The following GRIK4 variants were observed in gnomAD, a reference collection of about 807,000 sequenced individuals.
The protein encoded by GRIK4 is glutamate receptor ionotropic, kainate 4.
In GRIK4, 40 loss-of-function variants were observed where a neutral mutation model predicts 104.9. The ratio of observed to expected loss-of-function variants is 0.38; its 90% CI spans 0.30 to 0.50. The LOEUF is 0.50. Ranked by LOEUF, GRIK4 falls within the 20% of genes least tolerant of loss-of-function variation. The pLI, the probability that GRIK4 is intolerant of heterozygous loss-of-function variation, is 0.93. For missense variants in GRIK4, 1,047 were observed against 1,308.1 expected (o/e 0.80, Z 3.08); for synonymous variants, 485 against 524.9 (o/e 0.92, Z 1.04).
chr11:120,943,852 TAAG>T, intron 14 of GRIK4, among the ~76,000 whole-genome samples: 1 of 152,318 alleles, frequency 6.6e-6, no homozygotes, highest in African/African-American at 2.4e-5. Context: ...TCCAAAATAA[TAAG>T]TAGTGGCAAG....
intron 8 of GRIK4, among the ~76,000 whole-genome samples, chr11:120,850,466 G>A (rs569074813): frequency 6.6e-6 from 1 of 152,316 alleles, no homozygotes; most frequent in East Asian, 1.9e-4. Flanking sequence ...GGCACCAGGA[G>A]GAGAGTGCTG....
chr11:120,545,114 C>T (rs2252634), intron 1 of GRIK4, among the ~76,000 whole-genome samples: 43,866 of 151,948 alleles, frequency 0.29, 6,548 homozygotes, highest in Admixed American at 0.42. Context: ...GCCTGGCCCG[C>T]GGGGTCACTG....
At chr11:120,596,097 C>T (rs760910545) in intron 1 of GRIK4, among the ~76,000 whole-genome samples, 5 of 152,360 alleles carry the variant, frequency 3.3e-5, no homozygotes, top group South Asian at 2.1e-4. Context: ...CCGCCCGTCT[C>T]GGCCTCCCAG....
intron 15 of GRIK4, among the ~76,000 whole-genome samples, chr11:120,955,466 G>A (rs1944121346): frequency 6.6e-6 from 1 of 152,216 alleles, no homozygotes; most frequent in Non-Finnish European, 1.5e-5. Flanking sequence ...ACAGCACCCC[G>A]CCCTCCTGGG....
intron 14 of GRIK4, among the ~76,000 whole-genome samples, chr11:120,946,128 C>T (rs1057274433): frequency 2.6e-5 from 4 of 152,194 alleles, no homozygotes; most frequent in Non-Finnish European, 5.9e-5. Flanking sequence ...GGGAAAAGAA[C>T]ATGAAAAACC....
At chr11:120,803,001 G>A (rs1952648802) in intron 4 of GRIK4, 144 bp downstream of exon 4, 2 of 742,868 alleles carry the variant, frequency 2.7e-6, no homozygotes, top group South Asian at 3.7e-5. Flanking sequence ...TGAACCAGGA[G>A]GTCCTGTGAA....
At chr11:120,699,183 G>A (rs542237739) in intron 3 of GRIK4, among the ~76,000 whole-genome samples, 3 of 152,210 alleles carry the variant, frequency 2.0e-5, no homozygotes, top group African/African-American at 7.2e-5. Flanking sequence ...GGCGAGGCCA[G>A]CACACTGCCC....
In GRIK4 at chr11:120,671,692, A is replaced by C. The variant is rs1004919417; in HGVS notation, c.82+11292A>C. ...TTCTGCAGGTTGCCTGTTCTCTCTG[A>C]TGATAGTTTTTTTGCTGTGCAGAAG... On this transcript the variant is annotated intron_variant, in intron 3 of 20. Coordinates refer to ENST00000527524, the MANE Select transcript of GRIK4 (RefSeq NM_014619.5). Among the ~76,000 whole-genome samples, 3 of 152,062 alleles carry C rather than the reference A, an allele frequency of 2.0e-5. No homozygotes were observed. The East Asian group carries it at 5.8e-4, about 29-fold the overall frequency.
chr11:120,866,058 G>GCA (rs1954399596), intron 9 of GRIK4, among the ~76,000 whole-genome samples: 1 of 152,160 alleles, frequency 6.6e-6, no homozygotes, highest in African/African-American at 2.4e-5. Context: ...TGTGAGAATG[G>GCA]CACAAAGCCA....
At chr11:120,546,844 A>G (rs11217913) in intron 1 of GRIK4, among the ~76,000 whole-genome samples, 35,289 of 152,210 alleles carry the variant, frequency 0.23, 5,119 homozygotes, top group Admixed American at 0.4. Context: ...AGAACTGGGC[A>G]TGAAATGGAA....
At chr11:120,982,859 C>T (rs1433983007) in intron 20 of GRIK4, among the ~76,000 whole-genome samples, 1 of 152,192 alleles carries the variant, frequency 6.6e-6, no homozygotes, top group South Asian at 2.1e-4. Context: ...AACAGTGCCC[C>T]TGGAAGTCCG....
At chr11:120,692,494 G>A (rs996514605) in intron 3 of GRIK4, among the ~76,000 whole-genome samples, 1 of 152,164 alleles carries the variant, frequency 6.6e-6, no homozygotes, top group Middle Eastern at 3.2e-3. Flanking sequence ...GATTTGCACT[G>A]TGGAGCCCGG....
intron 13 of GRIK4, among the ~76,000 whole-genome samples, chr11:120,922,584 G>A (rs528506883): frequency 1.3e-5 from 2 of 152,286 alleles, no homozygotes; most frequent in African/African-American, 4.8e-5. Flanking sequence ...GCCTGGCTTG[G>A]CCTCGCCAAC....
chr11:120,534,334 G>C (rs1947950341), intron 1 of GRIK4, among the ~76,000 whole-genome samples: 1 of 152,190 alleles, frequency 6.6e-6, no homozygotes, highest in South Asian at 2.1e-4. Context: ...AAGTGACTGA[G>C]GGATATCTAT....
chr11:120,720,773 A>G (rs746032570), intron 3 of GRIK4, among the ~76,000 whole-genome samples: 2 of 152,158 alleles, frequency 1.3e-5, no homozygotes, highest in East Asian at 3.8e-4. Context: ...AGGGTGCAAC[A>G]TGGCTTGGAG....
intron 3 of GRIK4, among the ~76,000 whole-genome samples, chr11:120,712,349 C>A (rs1379949856): frequency 1.3e-5 from 2 of 152,182 alleles, no homozygotes; most frequent in Admixed American, 1.3e-4. Flanking sequence ...AGAAACCAGG[C>A]CTGCTGGCCT....
At chr11:120,909,534 G>A (rs1942946263) in intron 13 of GRIK4, among the ~76,000 whole-genome samples, 1 of 152,184 alleles carries the variant, frequency 6.6e-6, no homozygotes, top group Non-Finnish European at 1.5e-5. Context: ...TGCAGCACAT[G>A]TGGAACTTGG....
At chr11:120,792,560 C>T (rs1462278623) in intron 3 of GRIK4, among the ~76,000 whole-genome samples, 2 of 151,800 alleles carry the variant, frequency 1.3e-5, no homozygotes, top group Admixed American at 1.3e-4. Context: ...GATGAAAGGA[C>T]CGAAGTAGGG....
At chr11:120,633,803 C>A (rs1028347541) in intron 1 of GRIK4, among the ~76,000 whole-genome samples, 4 of 151,996 alleles carry the variant, frequency 2.6e-5, no homozygotes, top group Non-Finnish European at 4.4e-5. Flanking sequence ...CAAGCATAGG[C>A]AGAAGGGAAG....
Sources: allele counts gnomAD v4.1 joint callset (sites outside exome capture counted in the v4.1 genomes callset), GRCh38; gene constraint gnomAD v4.1.1; transcripts MANE v1.5; gene names NCBI Gene and HGNC (gene_info 2026-07-23, HGNC 2026-07-21).